AXIN2: variants seen among roughly 807,000 people sequenced by gnomAD.
The protein encoded by AXIN2 is axin 2, also known as axin-2.
A neutral mutation model predicts 74.7 loss-of-function variants in AXIN2; 21 were observed. The observed-to-expected ratio is 0.28, with a 90% CI of 0.20 to 0.40. AXIN2 has a LOEUF of 0.40. AXIN2 is among the 10% of genes least tolerant of loss of function. The pLI is 1.00. For missense variants in AXIN2, 1,144 were observed against 1,111.1 expected (o/e 1.03, Z -0.42); for synonymous variants, 532 against 454.9 (o/e 1.17, Z -2.16).
rs2044304799 is a variant in AXIN2 at position 65,558,332 on chromosome 17, T to A, written c.289A>T (p.Thr97Ser). ...ACGCATTTCTCCCTCTCCAGGAAAG[T>A]TCGGAACAGGTAAGCACCGTCTTGA... ...GDQDGAYLFRTFLEREKCVDT... is the reference protein window; with the variant it reads ...GDQDGAYLFRSFLEREKCVDT... The change falls in exon 2 of 11, where the codon ACT becomes TCT. Residue 97 changes from threonine to serine, a missense_variant. By Grantham distance (58) the Thr-to-Ser change is moderately conservative (BLOSUM62 1). Coordinates refer to ENST00000307078, the MANE Select transcript of AXIN2 (RefSeq NM_004655.4). The A allele has an allele frequency of 2.5e-6, 4 of 1,614,178 alleles. No homozygotes were observed. Among genetic ancestry groups the A allele is most frequent in the Non-Finnish European group, 3.4e-6 (4 of 1,180,028 alleles).
chr17:65,552,726 C>A (rs1370370394), intron 2 of AXIN2, among the ~76,000 whole-genome samples: 1 of 152,076 alleles, frequency 6.6e-6, no homozygotes, highest in Non-Finnish European at 1.5e-5. Flanking sequence ...AAACCGAGTG[C>A]CAACAAAAAC....
chr17:65,529,435 G>C lies in AXIN2; in HGVS notation c.*541C>G. On this transcript the variant is annotated 3_prime_UTR_variant, in exon 11 of 11. Coordinates refer to ENST00000307078, the MANE Select transcript of AXIN2 (RefSeq NM_004655.4). ...TGTCTAAAACAGTCTGTCTTCACTT[G>C]GAGGGACGTAGTGCAAAGCATAATT... is the stretch of plus-strand genomic sequence containing the variant. 3 of 257,040 alleles carry C rather than the reference G, an allele frequency of 1.2e-5. No individual in the cohort carries two copies. The highest frequency in any genetic ancestry group is 2.3e-5 in the Non-Finnish European group (3 of 131,440). 15.9% of individuals were successfully genotyped at this position (257,040 alleles called of 1,614,324 possible). A position where few individuals can be genotyped will look rare whatever the true frequency, so the allele number is the denominator to read the frequency against.
At position 65,549,572 on chromosome 17, in the gene AXIN2, T is replaced by G; in HGVS notation, c.904A>C (p.Ile302Leu). 1.2e-6 allele frequency: 2 copies of G among 1,610,664 alleles called. No homozygotes were observed. Among genetic ancestry groups the G allele is most frequent in the Non-Finnish European group, 1.7e-6 (2 of 1,178,448 alleles). ...TCATCCGTCAGCGCATCACTGGATA[T>G]CTCACTGTCGTTGGCGCTGGTGGCT... ...APATSANDSE[I>L]SSDALTDDSM... The change falls in exon 3 of 11, where the codon ATA becomes CTA. Residue 302 changes from isoleucine (I) to leucine (L), a missense_variant. By Grantham distance (5) the Ile-to-Leu change is conservative. Coordinates refer to ENST00000307078, the MANE Select transcript of AXIN2 (RefSeq NM_004655.4).
At chr17:65,557,437 G>A (rs1305371136) in intron 2 of AXIN2, among the ~76,000 whole-genome samples, 1 of 152,134 alleles carries the variant, frequency 6.6e-6, no homozygotes, top group African/African-American at 2.4e-5. Context: ...ACTGATTAGT[G>A]GTGAAGTGAC....
intron 2 of AXIN2, among the ~76,000 whole-genome samples, chr17:65,551,575 G>T (rs1397490301): frequency 3.9e-5 from 6 of 152,194 alleles, no homozygotes; most frequent in Admixed American, 6.5e-5. Context: ...AGGGAGCCCT[G>T]GGGGAAGCCA....
intron 1 of AXIN2, chr17:65,559,496 CA>C (rs1244041136): frequency 6.6e-6 from 1 of 151,960 alleles, no homozygotes; most frequent in Non-Finnish European, 1.5e-5. Flanking sequence ...GACCTCCCCC[CA>C]AACCAGAAAC....
At chr17:65,545,142 C>T (rs973299415) in intron 3 of AXIN2, among the ~76,000 whole-genome samples, 2 of 152,210 alleles carry the variant, frequency 1.3e-5, no homozygotes, top group Admixed American at 6.5e-5. Flanking sequence ...AACATACAAA[C>T]GTAGCTGATC....
rs770028299 is a variant in AXIN2 at position 65,541,594 on chromosome 17, G to A, written c.957-37C>T. ...GAAAAGACAGAATCCACAGGCTTAC[G>A]AGGATGTTTTCAGCACATCACATGG... On this transcript the variant is annotated intron_variant, in intron 3 of 10. Transcript: ENST00000307078. 4.8e-5 allele frequency: 76 copies of A among 1,569,392 alleles called. No individual in the cohort carries two copies. Among genetic ancestry groups the A allele is most frequent in the African/African-American group, 9.5e-5 (7 of 73,960 alleles).
At chr17:65,549,977 C>T (rs886665348) in intron 2 of AXIN2, among the ~76,000 whole-genome samples, 1 of 152,206 alleles carries the variant, frequency 6.6e-6, no homozygotes, top group South Asian at 2.1e-4. Context: ...CTGGACTCTG[C>T]TTTAGGAGAG....
chr17:65,536,759 C>G, intron 7 of AXIN2, 110 bp downstream of exon 7: 1 of 1,511,548 alleles, frequency 6.6e-7, no homozygotes, highest in Non-Finnish European at 9.2e-7. Flanking sequence ...ATGGCAGGAG[C>G]AAATAGTCAC....
At position 65,537,777 on chromosome 17, in the gene AXIN2, T is replaced by G. The variant is rs774530969; in HGVS notation, c.1259A>C (p.Gln420Pro). 4.4e-6 allele frequency: 7 copies of G among 1,587,678 alleles called. No individual in the cohort carries two copies. In the South Asian group the frequency reaches 8.0e-5, roughly 18 times the overall value. The change falls in exon 6 of 11, where the codon CAG (glutamine) becomes CCG (proline). Residue 420 changes from glutamine to proline, a missense_variant. Physicochemically the swap from Gln to Pro is moderately conservative, Grantham distance 76. Coordinates refer to ENST00000307078, the MANE Select transcript of AXIN2 (RefSeq NM_004655.4). The part of the protein sequence containing the change: ...TLNSREGAPT[Q>P]HPLSLLPSGS... ...GGAGGGCAGTAGGGAGAGGGGGTGC[T>G]GCGTGGGCGCCCCCTCCCGCGAATT...
chr17:65,534,223 G>T, intron 9 of AXIN2, 144 bp from the exon 10 acceptor site: 1 of 1,028,240 alleles, frequency 9.7e-7, no homozygotes, highest in Non-Finnish European at 1.5e-6. Context: ...GGGGGCTGGG[G>T]CAGAGCCCCA....
At chr17:65,558,975 G>A (rs2044320437) in intron 1 of AXIN2, among the ~76,000 whole-genome samples, 1 of 152,132 alleles carries the variant, frequency 6.6e-6, no homozygotes, top group Admixed American at 6.5e-5. Context: ...GAGCTGTTGG[G>A]AAAGAGGCGG....
At position 65,529,824 on chromosome 17, in the gene AXIN2, C is replaced by G; in HGVS notation, c.*152G>C. 7.7e-7 allele frequency: 1 copy of G among 1,291,070 alleles called. No homozygotes were observed. The highest frequency in any genetic ancestry group is 1.3e-5 in the South Asian group (1 of 78,734). 80.0% of individuals were successfully genotyped at this position (1,291,070 alleles called of 1,614,324 possible). On this transcript the variant is annotated 3_prime_UTR_variant, in exon 11 of 11. Transcript: ENST00000307078. ...TCATGAAAATCAACCTCCCCCCGCC[C>G]TCCCGAAGGCCCACTGGCCGATTCT...
chr17:65,544,530 C>T (rs993191992), intron 3 of AXIN2, among the ~76,000 whole-genome samples: 1 of 152,112 alleles, frequency 6.6e-6, no homozygotes, highest in Non-Finnish European at 1.5e-5. Flanking sequence ...GGAAATGTGG[C>T]TTTAATTCCC....
At chr17:65,543,023 A>C (rs1255856378) in intron 3 of AXIN2, among the ~76,000 whole-genome samples, 1 of 152,246 alleles carries the variant, frequency 6.6e-6, no homozygotes, top group Non-Finnish European at 1.5e-5. Context: ...CTAGGTCAGA[A>C]AACAGGAACA....
At chr17:65,555,009 G>A (rs1299689378) in intron 2 of AXIN2, among the ~76,000 whole-genome samples, 3 of 152,176 alleles carry the variant, frequency 2.0e-5, no homozygotes, top group South Asian at 2.1e-4. Context: ...AAAAGCCCAG[G>A]CATCCCCCTC....
At chr17:65,557,460 CG>C (rs2144580133) in intron 2 of AXIN2, among the ~76,000 whole-genome samples, 1 of 152,278 alleles carries the variant, frequency 6.6e-6, no homozygotes, top group African/African-American at 2.4e-5. Context: ...CTTCCAAAAC[CG>C]GCGCTTAGTG....
At chr17:65,543,999 G>A (rs1412787801) in intron 3 of AXIN2, among the ~76,000 whole-genome samples, 3 of 152,126 alleles carry the variant, frequency 2.0e-5, no homozygotes, top group East Asian at 3.9e-4. Context: ...GTAAGACAAT[G>A]TCTATCCTCC....
Sources: gnomAD v4.1 joint callset for allele counts (sites outside exome capture counted in the v4.1 genomes callset) on GRCh38, gnomAD v4.1.1 for gene constraint, MANE v1.5 for transcripts, NCBI Gene and HGNC (gene_info 2026-07-23, HGNC 2026-07-21) for gene names.